KCNIP4: variants seen among roughly 807,000 people sequenced by gnomAD.
KCNIP4 encodes the protein potassium voltage-gated channel interacting protein 4, also known as Kv channel-interacting protein 4.
In KCNIP4, 12 loss-of-function variants were observed where a neutral mutation model predicts 34.0. The observed-to-expected ratio is 0.35, with a 90% CI of 0.23 to 0.57. KCNIP4 has a LOEUF of 0.57. Among genes scored for constraint, KCNIP4 ranks in the 20% least tolerant of loss-of-function variants. The probability of loss-of-function intolerance (pLI) is 0.83; values close to 1 mark genes in which losing one functional copy is unlikely to be tolerated. For missense variants in KCNIP4, 238 were observed against 311.7 expected (o/e 0.76, Z 1.78); for synonymous variants, 124 against 102.2 (o/e 1.21, Z -1.29).
At chr4:20,778,864 T>C (rs980055410) in intron 3 of KCNIP4, among the ~76,000 whole-genome samples, 1 of 152,142 alleles carries the variant, frequency 6.6e-6, no homozygotes, top group Admixed American at 6.6e-5. Flanking sequence ...GAGAGAGCTG[T>C]GTGTGCATGT....
chr4:20,731,967 G>A, intron 8 of KCNIP4, 39 bp downstream of exon 8: 2 of 1,610,610 alleles, frequency 1.2e-6, no homozygotes, highest in Admixed American at 3.3e-5. Flanking sequence ...TAGCTGTTAT[G>A]ATAGCTGAAT....
At chr4:21,855,702 C>T (rs1724706720) in intron 1 of KCNIP4, 1 of 152,230 alleles carries the variant, frequency 6.6e-6, no homozygotes, top group Admixed American at 6.5e-5. Flanking sequence ...CTAGCCCACT[C>T]TTTATTCTTC....
chr4:21,090,936 T>A (rs911077153), intron 1 of KCNIP4, among the ~76,000 whole-genome samples: 1 of 152,206 alleles, frequency 6.6e-6, no homozygotes, highest in African/African-American at 2.4e-5. Context: ...GCCAATTACA[T>A]CTCACATTTC....
intron 1 of KCNIP4, among the ~76,000 whole-genome samples, chr4:21,516,572 G>T (rs548295461): frequency 1.3e-5 from 2 of 152,140 alleles, no homozygotes; most frequent in African/African-American, 4.8e-5. Flanking sequence ...AAAAGGAAAG[G>T]CTTGCATCAG....
chr4:21,627,756 C>T (rs1203050363), intron 1 of KCNIP4, among the ~76,000 whole-genome samples: 1 of 152,120 alleles, frequency 6.6e-6, no homozygotes, highest in African/African-American at 2.4e-5. Flanking sequence ...TTTAATTTTG[C>T]CCCTGAGCTT....
At chr4:21,326,555 T>A (rs1715081863) in intron 1 of KCNIP4, among the ~76,000 whole-genome samples, 1 of 151,408 alleles carries the variant, frequency 6.6e-6, no homozygotes, top group Non-Finnish European at 1.5e-5. Flanking sequence ...GATCATTGGG[T>A]CTTGTTTTTT....
At chr4:21,115,918 C>T (rs1749636159) in intron 1 of KCNIP4, among the ~76,000 whole-genome samples, 1 of 152,086 alleles carries the variant, frequency 6.6e-6, no homozygotes, top group Admixed American at 6.5e-5. Flanking sequence ...ATCTATGTAA[C>T]CAAATGTTTT....
At chr4:21,581,677 T>C (rs967548601) in intron 1 of KCNIP4, among the ~76,000 whole-genome samples, 7 of 152,008 alleles carry the variant, frequency 4.6e-5, no homozygotes, top group African/African-American at 1.2e-4. Flanking sequence ...TCAAAGACAT[T>C]GTTCAGTACA....
rs4697220 is a variant in KCNIP4, at chr4:21,417,430, A to G, written c.61+531141T>C. 0.016 allele frequency among the ~76,000 whole-genome samples: 2,436 copies of G among 152,242 alleles called. 128 individuals carry two copies. The East Asian group carries it at 0.17, about 10-fold the overall frequency. On this transcript the variant is annotated intron_variant, in intron 1 of 8. Transcript: ENST00000382152. ...AAAAAATAAAAAAACATCAAGAGGA[A>G]AATCTGTGTGGTTATGTCTGAGGGT...
At chr4:21,632,139 A>G (rs1745810298) in intron 1 of KCNIP4, among the ~76,000 whole-genome samples, 1 of 152,092 alleles carries the variant, frequency 6.6e-6, no homozygotes, top group Non-Finnish European at 1.5e-5. Context: ...TTCTAACATA[A>G]TAGATTCCAT....
At chr4:21,233,362 C>T (rs1333429895) in intron 1 of KCNIP4, among the ~76,000 whole-genome samples, 1 of 152,050 alleles carries the variant, frequency 6.6e-6, no homozygotes, top group Non-Finnish European at 1.5e-5. Flanking sequence ...AATACTTCCT[C>T]ACTGTTTAAC....
chr4:20,951,601 A>G (rs1407889646), intron 1 of KCNIP4, among the ~76,000 whole-genome samples: 1 of 152,200 alleles, frequency 6.6e-6, no homozygotes, highest in East Asian at 1.9e-4. Context: ...GCACACTCAT[A>G]TATCTTTTTT....
chr4:21,598,463 T>C (rs1742829877), intron 1 of KCNIP4, among the ~76,000 whole-genome samples: 1 of 152,050 alleles, frequency 6.6e-6, no homozygotes, highest in South Asian at 2.1e-4. Context: ...ATAGGAGATA[T>C]GTAAAAAATG....
chr4:20,868,792 C>G (rs529786742), intron 2 of KCNIP4, among the ~76,000 whole-genome samples: 17 of 152,010 alleles, frequency 1.1e-4, no homozygotes, highest in Admixed American at 1.1e-3. Context: ...ATTGAACACG[C>G]ATGGAAATAA....
At chr4:21,932,825 A>G (rs1729645489) in intron 1 of KCNIP4, among the ~76,000 whole-genome samples, 2 of 152,060 alleles carry the variant, frequency 1.3e-5, no homozygotes, top group Admixed American at 6.6e-5. Flanking sequence ...AAAGGAGACA[A>G]GCTCTATTAA....
intron 2 of KCNIP4, among the ~76,000 whole-genome samples, chr4:20,875,563 G>A (rs952020738): frequency 1.3e-5 from 2 of 152,100 alleles, no homozygotes; most frequent in African/African-American, 4.8e-5. Context: ...AATGAATCTT[G>A]CTTTCTATTA....
At chr4:21,028,664 A>C (rs1477976503) in intron 1 of KCNIP4, among the ~76,000 whole-genome samples, 1 of 152,176 alleles carries the variant, frequency 6.6e-6, no homozygotes, top group Non-Finnish European at 1.5e-5. Context: ...TATGTGTTAC[A>C]TGACTGCTAG....
At chr4:21,839,261 T>C (rs1200594663) in intron 1 of KCNIP4, among the ~76,000 whole-genome samples, 1 of 152,162 alleles carries the variant, frequency 6.6e-6, no homozygotes, top group Non-Finnish European at 1.5e-5. Context: ...TTATATTCCA[T>C]TAGAAGTTGC....
chr4:20,758,963 CAG>C, intron 3 of KCNIP4, 73 bp from the exon 4 acceptor site: 1 of 1,168,164 alleles, frequency 8.6e-7, no homozygotes. Context: ...CATTTTGAAA[CAG>C]AACTGTCTAC....
Sources: allele counts gnomAD v4.1 joint callset (sites outside exome capture counted in the v4.1 genomes callset), GRCh38; gene constraint gnomAD v4.1.1; transcripts MANE v1.5; gene names NCBI Gene and HGNC (gene_info 2026-07-23, HGNC 2026-07-21).